Variants in P3H2 observed in about 807,000 individuals in gnomAD.
P3H2 encodes the protein prolyl 3-hydroxylase 2, also known as leprecan-like 1.
A neutral mutation model predicts 87.0 loss-of-function variants in P3H2; 80 were observed. That is an observed-to-expected ratio of 0.92 (90% CI 0.77 to 1.11). P3H2 has a LOEUF of 1.11. Among genes scored for constraint, P3H2 ranks in the 50% least tolerant of loss-of-function variants. P3H2 has a pLI of 0.00. For synonymous variants in P3H2, 367 were observed against 359.3 expected, an observed-to-expected ratio of 1.02 and a Z score of -0.24; for missense variants, 1,001 against 923.9, an observed-to-expected ratio of 1.08 and a Z score of -1.08.
chr3:190,114,359 T>G (rs1044526076), intron 1 of P3H2, among the ~76,000 whole-genome samples: 3 of 151,588 alleles, frequency 2.0e-5, no homozygotes, highest in Admixed American at 2.0e-4. Flanking sequence ...AATTTCTTTT[T>G]GTATTTTTAG....
At chr3:190,031,440 CGA>C (rs35654298) in intron 1 of P3H2, among the ~76,000 whole-genome samples, 119,410 of 151,676 alleles carry the variant, frequency 0.79, 47,072 homozygotes, top group East Asian at 0.86. Context: ...GAGTTCGAGA[CGA>C]GTCTGGCCAA....
intron 1 of P3H2, among the ~76,000 whole-genome samples, chr3:190,066,238 A>G (rs1157894621): frequency 1.3e-5 from 2 of 151,726 alleles, no homozygotes; most frequent in Non-Finnish European, 2.9e-5. Flanking sequence ...ATATACATAC[A>G]TATATATGAT....
intron 1 of P3H2, among the ~76,000 whole-genome samples, chr3:190,054,842 T>C (rs1410214376): frequency 6.6e-6 from 1 of 152,134 alleles, no homozygotes; most frequent in Non-Finnish European, 1.5e-5. Flanking sequence ...CCGCCTCTTC[T>C]TCACATTACA....
intron 1 of P3H2, among the ~76,000 whole-genome samples, chr3:190,089,691 G>C (rs533090162): frequency 1.3e-5 from 2 of 152,316 alleles, no homozygotes; most frequent in South Asian, 2.1e-4. Flanking sequence ...TGAGACATGG[G>C]AGGGCAAGTA....
At chr3:190,001,213 T>C (rs985924648) in intron 1 of P3H2, among the ~76,000 whole-genome samples, 1 of 152,186 alleles carries the variant, frequency 6.6e-6, no homozygotes, top group Non-Finnish European at 1.5e-5. Context: ...ATATTTTGAA[T>C]ACGAAATTAA....
At chr3:189,964,767 GT>G (rs1232122842) in intron 13 of P3H2, among the ~76,000 whole-genome samples, 2 of 152,230 alleles carry the variant, frequency 1.3e-5, no homozygotes, top group Non-Finnish European at 2.9e-5. Context: ...ACCCTTAAGT[GT>G]TTTAAGACTG....
intron 1 of P3H2, among the ~76,000 whole-genome samples, chr3:190,002,559 C>T (rs1026350540): frequency 6.6e-6 from 1 of 152,106 alleles, no homozygotes; most frequent in African/African-American, 2.4e-5. Flanking sequence ...CGCCAACACA[C>T]CCGGCTAATT....
intron 1 of P3H2, among the ~76,000 whole-genome samples, chr3:190,064,940 C>T (rs1191860565): frequency 3.3e-5 from 5 of 152,206 alleles, no homozygotes; most frequent in African/African-American, 9.6e-5. Context: ...AGGGGCTGTT[C>T]AGCTAATTCC....
chr3:190,062,830 A>C (rs1265582550), intron 1 of P3H2, among the ~76,000 whole-genome samples: 2 of 152,046 alleles, frequency 1.3e-5, no homozygotes, highest in Non-Finnish European at 2.9e-5. Flanking sequence ...TATCCTAACC[A>C]CCACCAAGGA....
At chr3:189,992,355 C>T (rs543278985) in intron 3 of P3H2, among the ~76,000 whole-genome samples, 1 of 152,274 alleles carries the variant, frequency 6.6e-6, no homozygotes, top group Admixed American at 6.5e-5. Flanking sequence ...CTCAGAATCC[C>T]AAAGTGCTAG....
intron 13 of P3H2, among the ~76,000 whole-genome samples, chr3:189,965,317 G>A (rs892113318): frequency 6.6e-6 from 1 of 152,192 alleles, no homozygotes; most frequent in Non-Finnish European, 1.5e-5. Context: ...GTAGGTGGAG[G>A]AGTCGGAAAG....
At chr3:190,048,673 G>A (rs1725881177) in intron 1 of P3H2, among the ~76,000 whole-genome samples, 1 of 152,048 alleles carries the variant, frequency 6.6e-6, no homozygotes, top group Non-Finnish European at 1.5e-5. Context: ...AAATTCTCCT[G>A]GAGAAGATGA....
chr3:189,977,169 C>T (rs181540326), intron 8 of P3H2, among the ~76,000 whole-genome samples: 4 of 152,142 alleles, frequency 2.6e-5, no homozygotes, highest in African/African-American at 7.2e-5. Context: ...AATTTGCTTC[C>T]CACAAGTGCG....
chr3:190,108,794 A>C (rs1268795474), intron 1 of P3H2, among the ~76,000 whole-genome samples: 1 of 152,218 alleles, frequency 6.6e-6, no homozygotes, highest in African/African-American at 2.4e-5. Context: ...AAAACAGTTT[A>C]ATTTAATGAA....
intron 1 of P3H2, among the ~76,000 whole-genome samples, chr3:190,052,536 A>T (rs1469979258): frequency 9.3e-6 from 1 of 107,892 alleles, no homozygotes; most frequent in Non-Finnish European, 2.5e-5. Flanking sequence ...ATCTTTCTCC[A>T]TGCTTAGCAC....
intron 1 of P3H2, among the ~76,000 whole-genome samples, chr3:190,010,325 A>G (rs1724546964): frequency 6.6e-6 from 1 of 152,162 alleles, no homozygotes; most frequent in East Asian, 1.9e-4. Context: ...ATGTATTACC[A>G]CGTGTTTTGC....
At chr3:190,053,678 T>C (rs1451551483) in intron 1 of P3H2, among the ~76,000 whole-genome samples, 8 of 151,984 alleles carry the variant, frequency 5.3e-5, no homozygotes, top group Non-Finnish European at 1.5e-5. Context: ...GGGTGGTCTC[T>C]AAGTCCTGAC....
At chr3:190,036,760 A>AG (rs1201544283) in intron 1 of P3H2, among the ~76,000 whole-genome samples, 3 of 152,168 alleles carry the variant, frequency 2.0e-5, no homozygotes, top group Non-Finnish European at 2.9e-5. Context: ...GACAAAGACC[A>AG]GGGACACCCT....
Position 189,973,030 on chromosome 3 carries a change from A to AT in P3H2, c.1549-7_1549-6insA, listed in dbSNP as rs778855026. 7.5e-6 allele frequency: 12 copies of AT among 1,602,078 alleles called. No homozygotes were observed. In the East Asian group the frequency reaches 2.7e-4, roughly 36 times the overall value. On this transcript the variant is annotated splice_polypyrimidine_tract_variant and splice_region_variant and intron_variant, in intron 10 of 14. Transcript: ENST00000319332. ...ACTCGACCTTCATAACCAGACTGAA[A>AT]AAAAAAAACAAAACATGAGAAACAA...
Sources: gnomAD v4.1 joint callset for allele counts (sites outside exome capture counted in the v4.1 genomes callset) on GRCh38, gnomAD v4.1.1 for gene constraint, MANE v1.5 for transcripts, NCBI Gene and HGNC (gene_info 2026-07-23, HGNC 2026-07-21) for gene names.